ZNF385D: variants seen among roughly 807,000 people sequenced by gnomAD.
ZNF385D encodes the protein zinc finger protein 385D, also known as zinc finger protein 659.
A neutral mutation model predicts 35.8 loss-of-function variants in ZNF385D; 15 were observed. That is an observed-to-expected ratio of 0.42 (90% CI 0.28 to 0.64). ZNF385D has a LOEUF of 0.64. ZNF385D is among the 30% of genes least tolerant of loss of function. The pLI is 0.23. For synonymous variants in ZNF385D, 212 were observed against 186.8 expected (o/e 1.13, Z -1.10); for missense variants, 474 against 494.6 (o/e 0.96, Z 0.39).
intron 3 of ZNF385D, among the ~76,000 whole-genome samples, chr3:22,059,090 G>A (rs1171207467): frequency 6.6e-6 from 1 of 152,194 alleles, no homozygotes; most frequent in African/African-American, 2.4e-5. Flanking sequence ...GCAATCACTG[G>A]ACTCCTGGAG....
chr3:22,171,907 A>T (rs1340915949), intron 2 of ZNF385D, among the ~76,000 whole-genome samples: 1 of 150,482 alleles, frequency 6.6e-6, no homozygotes, highest in African/African-American at 2.5e-5. Flanking sequence ...AAAAAATTAT[A>T]GATTTTGCAG....
chr3:22,168,363 A>G (rs1706470398), intron 3 of ZNF385D: 1 of 152,242 alleles, frequency 6.6e-6, no homozygotes, highest in Admixed American at 6.5e-5. Context: ...AAAAGTCTGT[A>G]CTAACAGATC....
chr3:22,358,020 T>C (rs769838599), intron 2 of ZNF385D, among the ~76,000 whole-genome samples: 7 of 151,888 alleles, frequency 4.6e-5, no homozygotes, highest in Non-Finnish European at 1.0e-4. Flanking sequence ...GGAAAGAAAA[T>C]GTTGAATTAT....
chr3:21,561,134 C>T (rs1269618975), intron 3 of ZNF385D, among the ~76,000 whole-genome samples: 1 of 152,176 alleles, frequency 6.6e-6, no homozygotes, highest in Non-Finnish European at 1.5e-5. Flanking sequence ...GACTTCAGCC[C>T]CTTTCCGGGG....
At chr3:21,919,381 T>G (rs259509) in intron 3 of ZNF385D, among the ~76,000 whole-genome samples, 2 of 152,192 alleles carry the variant, frequency 1.3e-5, no homozygotes, top group African/African-American at 4.8e-5. Flanking sequence ...GGATGGAATG[T>G]TCTATATTTT....
At chr3:21,600,882 A>G (rs1186216696) in intron 2 of ZNF385D, among the ~76,000 whole-genome samples, 6 of 151,926 alleles carry the variant, frequency 3.9e-5, no homozygotes, top group African/African-American at 1.2e-4. Flanking sequence ...TTTAAAAATA[A>G]TAAGTCAAAG....
At chr3:21,753,286 T>TA (rs1350565642), upstream of ZNF385D, among the ~76,000 whole-genome samples, 13 of 152,346 alleles carry the variant, frequency 8.5e-5, 1 homozygote, top group Admixed American at 4.6e-4. Flanking sequence ...GAATTTATAT[T>TA]ACAGTTCTCC....
At chr3:21,752,838 G>A (rs2070167484), upstream of ZNF385D, among the ~76,000 whole-genome samples, 1 of 152,036 alleles carries the variant, frequency 6.6e-6, no homozygotes, top group Non-Finnish European at 1.5e-5. Context: ...TTTCCTTTTG[G>A]ACAAATGGAA....
rs957106330 is a variant in ZNF385D at position 21,417,690 on chromosome 3, A to G, written c.*3524T>C. On this transcript the variant is annotated 3_prime_UTR_variant, in exon 8 of 8. Transcript: ENST00000281523. ...AAATAGGCACAGCCTCTTTGATTCTATTTTGAAACTTCTGCTGTCTTTTAA... is the reference window on the plus strand; with the variant it reads ...AAATAGGCACAGCCTCTTTGATTCTGTTTTGAAACTTCTGCTGTCTTTTAA... 1.3e-5 allele frequency: 2 copies of G among 152,090 alleles called. No homozygotes were observed. The highest frequency in any genetic ancestry group is 3.9e-4 in the East Asian group (2 of 5,188). 9.4% of individuals were successfully genotyped at this position (152,090 alleles called of 1,614,324 possible).
At chr3:21,881,719 G>A (rs550543298) in intron 3 of ZNF385D, among the ~76,000 whole-genome samples, 15 of 152,042 alleles carry the variant, frequency 9.9e-5, no homozygotes, top group Admixed American at 9.2e-4. Context: ...ATGGATCTGG[G>A]CAATGTAAAC....
chr3:21,713,900 G>C (rs956247699), intron 1 of ZNF385D, among the ~76,000 whole-genome samples: 5 of 152,116 alleles, frequency 3.3e-5, no homozygotes, highest in Non-Finnish European at 7.4e-5. Flanking sequence ...CATCAACTGA[G>C]TCTTTCAACC....
intron 2 of ZNF385D, among the ~76,000 whole-genome samples, chr3:21,574,455 T>C (rs1001362238): frequency 6.6e-6 from 1 of 152,160 alleles, no homozygotes. Flanking sequence ...AGGCCTTACA[T>C]GGTTCTTGAT....
chr3:22,243,224 G>A (rs1699590805), intron 2 of ZNF385D, among the ~76,000 whole-genome samples: 1 of 150,620 alleles, frequency 6.6e-6, no homozygotes, highest in Non-Finnish European at 1.5e-5. Flanking sequence ...CAAGTGAAAG[G>A]AATACTTCTC....
intron 1 of ZNF385D, among the ~76,000 whole-genome samples, chr3:21,712,279 A>G (rs1310615180): frequency 6.6e-6 from 1 of 152,182 alleles, no homozygotes; most frequent in African/African-American, 2.4e-5. Context: ...CCATCACAGT[A>G]GGAATCTGAG....
At chr3:21,832,121 A>G (rs958364237) in intron 3 of ZNF385D, among the ~76,000 whole-genome samples, 1 of 152,112 alleles carries the variant, frequency 6.6e-6, no homozygotes, top group Non-Finnish European at 1.5e-5. Context: ...CTTAAAGTTC[A>G]TATTTTTTAA....
chr3:22,263,260 C>T (rs977871820), intron 2 of ZNF385D, among the ~76,000 whole-genome samples: 2 of 152,010 alleles, frequency 1.3e-5, no homozygotes, highest in South Asian at 4.1e-4. Flanking sequence ...TCTTCAGTCA[C>T]CTCCAGCAAA....
chr3:21,976,551 G>C (rs936960784), intron 3 of ZNF385D, among the ~76,000 whole-genome samples: 1 of 152,154 alleles, frequency 6.6e-6, no homozygotes, highest in Non-Finnish European at 1.5e-5. Context: ...GAAGAGTACA[G>C]GAGACATATG....
rs551662239 is a variant in ZNF385D at position 22,279,098 on chromosome 3, A to G, written c.106+93352T>C. ...ACAGGACTATCTCCATCTACTCTCA[A>G]TTGTGTTCCTTTTTTGTTTTATTTC... On this transcript the variant is annotated intron_variant, in intron 2 of 5. Coordinates refer to the ZNF385D transcript ENST00000494108. Among the ~76,000 whole-genome samples the G allele has an allele frequency of 4.7e-4, 72 of 152,126 alleles. 2 individuals are homozygous for G. In the South Asian group the frequency reaches 0.014, roughly 29 times the overall value.
At chr3:21,468,855 G>T (rs1293564198) in intron 4 of ZNF385D, among the ~76,000 whole-genome samples, 1 of 152,062 alleles carries the variant, frequency 6.6e-6, no homozygotes, top group Admixed American at 6.6e-5. Flanking sequence ...CTTGAACTTG[G>T]GAGACAGAGA....
Sources: gnomAD v4.1 joint callset for allele counts (sites outside exome capture counted in the v4.1 genomes callset) on GRCh38, gnomAD v4.1.1 for gene constraint, MANE v1.5 for transcripts, NCBI Gene and HGNC (gene_info 2026-07-23, HGNC 2026-07-21) for gene names.